ST3GAL3: variants seen among roughly 807,000 people sequenced by gnomAD.
ST3GAL3 encodes the protein CMP-N-acetylneuraminate-beta-1,4-galactoside alpha-2,3-sialyltransferase.
A neutral mutation model predicts 50.1 loss-of-function variants in ST3GAL3; 21 were observed. That is an observed-to-expected ratio of 0.42 (90% CI 0.30 to 0.60). The LOEUF is 0.60. Among genes scored for constraint, ST3GAL3 ranks in the 20% least tolerant of loss-of-function variants. The pLI is 0.19. For missense variants in ST3GAL3, 353 were observed against 489.4 expected (o/e 0.72, Z 2.63); for synonymous variants, 183 against 190.0 (o/e 0.96, Z 0.30).
intron 1 of ST3GAL3, among the ~76,000 whole-genome samples, chr1:43,721,023 ATT>A (rs1465242900): frequency 6.6e-6 from 1 of 152,074 alleles, no homozygotes; most frequent in African/African-American, 2.4e-5. Context: ...AAGCAGGAGG[ATT>A]GCTTGAGGCC....
At chr1:43,839,957 T>C (rs1459120903) in intron 5 of ST3GAL3, 1 of 152,052 alleles carries the variant, frequency 6.6e-6, no homozygotes, top group East Asian at 1.9e-4. Context: ...TGCTAAGTCA[T>C]TCATGAGAGA....
At chr1:43,854,835 T>A in intron 5 of ST3GAL3, among the ~76,000 whole-genome samples, 1 of 152,218 alleles carries the variant, frequency 6.6e-6, no homozygotes, top group Admixed American at 6.5e-5. Context: ...CCTTCCCCTC[T>A]TAACCAGATA....
At chr1:43,762,005 C>T (rs2154122251) in intron 2 of ST3GAL3, among the ~76,000 whole-genome samples, 1 of 146,646 alleles carries the variant, frequency 6.8e-6, no homozygotes, top group South Asian at 2.2e-4. Context: ...GTGGCTCATA[C>T]CTGCAATCCC....
At chr1:43,786,804 A>G (rs1213402904) in intron 2 of ST3GAL3, among the ~76,000 whole-genome samples, 1 of 151,994 alleles carries the variant, frequency 6.6e-6, no homozygotes, top group Non-Finnish European at 1.5e-5. Context: ...CTCCCTTGTT[A>G]CTGTTTTTCC....
At chr1:43,717,013 C>G (rs184025080) in intron 1 of ST3GAL3, among the ~76,000 whole-genome samples, 322 of 152,274 alleles carry the variant, frequency 2.1e-3, no homozygotes, top group South Asian at 4.1e-3. Context: ...TACGTGGTTC[C>G]TCATTGCCAA....
chr1:43,719,110 AC>A (rs2154069677), intron 1 of ST3GAL3: 1 of 152,352 alleles, frequency 6.6e-6, no homozygotes, highest in South Asian at 2.1e-4. Flanking sequence ...GTCACTGACT[AC>A]TCATCTTGCA....
At chr1:43,920,595 A>T (rs748942993) in intron 10 of ST3GAL3, 45 bp downstream of exon 10, 1 of 1,608,618 alleles carries the variant, frequency 6.2e-7, no homozygotes, top group Admixed American at 1.7e-5. Flanking sequence ...AAGCTGGGTC[A>T]GAAGTGCCTT....
intron 5 of ST3GAL3, among the ~76,000 whole-genome samples, chr1:43,882,311 T>C (rs933464175): frequency 6.6e-5 from 10 of 152,020 alleles, no homozygotes; most frequent in Non-Finnish European, 1.5e-4. Flanking sequence ...AAATTATACA[T>C]AGTTGTACGG....
At chr1:43,762,604 T>C (rs1333220159) in intron 2 of ST3GAL3, among the ~76,000 whole-genome samples, 2 of 152,184 alleles carry the variant, frequency 1.3e-5, no homozygotes, top group Non-Finnish European at 2.9e-5. Flanking sequence ...ATTGAGGATA[T>C]AAACGCTACC....
At chr1:43,748,423 ATT>A (rs1215322512) in intron 2 of ST3GAL3, among the ~76,000 whole-genome samples, 1,895 of 111,076 alleles carry the variant, frequency 0.017, 26 homozygotes, top group African/African-American at 0.066. Context: ...AACAGCCCCC[ATT>A]TTTTTTTTTT....
intron 2 of ST3GAL3, 149 bp downstream of exon 2, chr1:43,736,529 AT>A: frequency 7.2e-7 from 1 of 1,392,204 alleles, no homozygotes; most frequent in Non-Finnish European, 1.0e-6. Flanking sequence ...ATTGCCTGCC[AT>A]TTTAGCTGGT....
intron 2 of ST3GAL3, among the ~76,000 whole-genome samples, chr1:43,791,588 A>G (rs1383708345): frequency 6.6e-6 from 1 of 152,248 alleles, no homozygotes; most frequent in African/African-American, 2.4e-5. Context: ...TTCCCCAACT[A>G]TATAGTCTTT....
In ST3GAL3 at chr1:43,817,641, TCTC is replaced by T. The variant is rs150373636; in HGVS notation, c.209+2720_209+2722del. ...TCTCCTCCTCCCTTCTCCTCCTCCT[TCTC>T]CTCCTCCTCCTTCTCCTTCTTCTCC... On this transcript the variant is annotated intron_variant, in intron 4 of 11. Transcript: ENST00000347631. Among the ~76,000 whole-genome samples, 12 of 66,526 alleles carry T rather than the reference TCTC, an allele frequency of 1.8e-4. 1 individual carries two copies. Among genetic ancestry groups the T allele is most frequent in the East Asian group, 6.6e-4 (1 of 1,504 alleles). The allele number at this position is 66,526 out of a possible 152,430, so 43.6% of individuals were successfully genotyped here.
intron 9 of ST3GAL3, among the ~76,000 whole-genome samples, chr1:43,917,491 T>TATATA (rs1557534223): frequency 4.9e-5 from 2 of 40,810 alleles, no homozygotes; most frequent in African/African-American, 1.3e-4. Context: ...TAATATATAA[T>TATATA]ATATATAATA....
chr1:43,787,409 G>A (rs532401756), intron 2 of ST3GAL3, among the ~76,000 whole-genome samples: 21 of 152,298 alleles, frequency 1.4e-4, no homozygotes, highest in Admixed American at 6.5e-4. Flanking sequence ...ATAATCTTAC[G>A]TCCTTTAGAA....
chr1:43,762,274 A>G (rs1690776449), intron 2 of ST3GAL3, among the ~76,000 whole-genome samples: 2 of 151,572 alleles, frequency 1.3e-5, no homozygotes, highest in Admixed American at 1.3e-4. Flanking sequence ...AAAAAAAAAA[A>G]AAAAGAAAGA....
At chr1:43,720,742 A>G (rs1670006616) in intron 1 of ST3GAL3, among the ~76,000 whole-genome samples, 1 of 152,164 alleles carries the variant, frequency 6.6e-6, no homozygotes, top group Non-Finnish European at 1.5e-5. Context: ...TTTGGGGGAC[A>G]TGTTCAAACC....
At chr1:43,928,606 AAAAC>A (rs1319524201) in intron 11 of ST3GAL3, among the ~76,000 whole-genome samples, 1 of 145,712 alleles carries the variant, frequency 6.9e-6, no homozygotes, top group Non-Finnish European at 1.5e-5. Flanking sequence ...TCTGAAAAAA[AAAAC>A]AAAAACATTT....
At chr1:43,731,306 G>A (rs1340606662) in intron 1 of ST3GAL3, among the ~76,000 whole-genome samples, 1 of 151,982 alleles carries the variant, frequency 6.6e-6, no homozygotes, top group Admixed American at 6.6e-5. Flanking sequence ...CCGCCTGCTG[G>A]GTTCAAGCGA....
Sources: gnomAD v4.1 joint callset for allele counts (sites outside exome capture counted in the v4.1 genomes callset) on GRCh38, gnomAD v4.1.1 for gene constraint, MANE v1.5 for transcripts, NCBI Gene and HGNC (gene_info 2026-07-23, HGNC 2026-07-21) for gene names.